Variants in APBB2 observed in about 807,000 individuals in gnomAD.
APBB2 encodes the protein amyloid beta precursor protein binding family B member 2.
APBB2 carries 38 observed loss-of-function variants against 82.5 expected under a neutral mutation model. That is an observed-to-expected ratio of 0.46 (90% CI 0.36 to 0.60). The LOEUF (loss-of-function observed/expected upper bound fraction) is 0.60. Among genes scored for constraint, APBB2 ranks in the 20% least tolerant of loss-of-function variants. The pLI, the probability that APBB2 is intolerant of heterozygous loss-of-function variation, is 0.00. For missense variants in APBB2, 772 were observed against 972.3 expected, an observed-to-expected ratio of 0.79 and a Z score of 2.74; for synonymous variants, 341 against 368.2, an observed-to-expected ratio of 0.93 and a Z score of 0.85.
At chr4:40,859,907 C>T (rs1417646353) in intron 12 of APBB2, among the ~76,000 whole-genome samples, 1 of 152,194 alleles carries the variant, frequency 6.6e-6, no homozygotes, top group Non-Finnish European at 1.5e-5. Context: ...GCACTGCTCA[C>T]CTGATGAATC....
intron 3 of APBB2, among the ~76,000 whole-genome samples, chr4:41,092,211 T>C (rs1391162169): frequency 1.3e-5 from 2 of 152,146 alleles, no homozygotes; most frequent in Admixed American, 1.3e-4. Flanking sequence ...AGGAAAACAA[T>C]AATTAGTTCA....
chr4:40,845,674 G>A (rs1757322619), intron 12 of APBB2, among the ~76,000 whole-genome samples: 1 of 145,740 alleles, frequency 6.9e-6, no homozygotes, highest in Admixed American at 7.1e-5. Flanking sequence ...GCCATCTCCT[G>A]TTCCCTGGCA....
Position 41,014,160 on chromosome 4 carries a change from T to C in APBB2, c.258A>G (p.Ala86=), listed in dbSNP as rs554052693. The C allele has an allele frequency of 2.0e-5, 32 of 1,614,254 alleles. No individual in the cohort carries two copies. In the South Asian group the frequency reaches 3.1e-4, roughly 16 times the overall value. The change falls in exon 6 of 18, where the codon GCA becomes GCG. Residue 86 remains alanine, a synonymous_variant. Transcript: ENST00000508593. ...CAGAGCCATTTCCCAGCAGGGGCTG[T>C]GCAGCTGGATCCGAGAGGCCCATGG... ...QAAMGLSDPA[A]QPLLGNGSAN...
chr4:41,118,043 C>CA (rs1480934459), intron 2 of APBB2: 44 of 135,370 alleles, frequency 3.3e-4, no homozygotes, highest in Non-Finnish European at 6.6e-4. Context: ...ACTGTATCTA[C>CA]AAAACAAAAC....
intron 17 of APBB2, among the ~76,000 whole-genome samples, chr4:40,816,576 G>A (rs912957928): frequency 6.6e-6 from 1 of 152,220 alleles, no homozygotes; most frequent in African/African-American, 2.4e-5. Context: ...AGGATTGGGA[G>A]AGAGTGTGTT....
At position 41,213,254 on chromosome 4, in the gene APBB2, T is replaced by C. The variant is rs371768491; in HGVS notation, c.-417+1151A>G. ...AATTCAAACACCACCGATGGCATCATTTTATGATAATCCTTTGGGTATTTC... is the reference window on the plus strand; with the variant it reads ...AATTCAAACACCACCGATGGCATCACTTTATGATAATCCTTTGGGTATTTC... On this transcript the variant is annotated intron_variant, in intron 1 of 17. Transcript: ENST00000508593. Among the ~76,000 whole-genome samples, 38 of 152,322 alleles carry C rather than the reference T, an allele frequency of 2.5e-4. 1 individual carries two copies. In the East Asian group the frequency reaches 4.0e-3, roughly 16 times the overall value.
At chr4:40,891,174 T>A (rs1174268677) in intron 11 of APBB2, among the ~76,000 whole-genome samples, 4 of 152,186 alleles carry the variant, frequency 2.6e-5, no homozygotes, top group Non-Finnish European at 4.4e-5. Context: ...GGGTCTGACA[T>A]AGAACCTGTG....
intron 4 of APBB2, among the ~76,000 whole-genome samples, chr4:41,046,433 C>T (rs1235068532): frequency 6.6e-6 from 1 of 152,206 alleles, no homozygotes; most frequent in Non-Finnish European, 1.5e-5. Flanking sequence ...CTCAAATATA[C>T]AACCAAGAGA....
intron 16 of APBB2, chr4:40,822,358 A>C: frequency 3.9e-6 from 1 of 255,910 alleles, no homozygotes; most frequent in Non-Finnish European, 7.5e-6. Flanking sequence ...CATACTTCTT[A>C]CATCTAGCCC....
chr4:41,081,588 T>C (rs932730420), intron 3 of APBB2, among the ~76,000 whole-genome samples: 1 of 152,200 alleles, frequency 6.6e-6, no homozygotes, highest in African/African-American at 2.4e-5. Context: ...AATTGATACT[T>C]AGTTATATAA....
At chr4:41,125,621 G>A (rs1324918010) in intron 2 of APBB2, among the ~76,000 whole-genome samples, 1 of 152,154 alleles carries the variant, frequency 6.6e-6, no homozygotes, top group African/African-American at 2.4e-5. Flanking sequence ...AATGTGAAAT[G>A]AAAACTTTTT....
chr4:41,114,844 C>T (rs146920924), intron 2 of APBB2, among the ~76,000 whole-genome samples: 116 of 152,304 alleles, frequency 7.6e-4, no homozygotes, highest in African/African-American at 2.5e-3. Flanking sequence ...AATGGAAAAA[C>T]ATTCCACTCT....
intron 10 of APBB2, among the ~76,000 whole-genome samples, chr4:40,928,417 C>T (rs942551691): frequency 4.7e-5 from 3 of 64,412 alleles, no homozygotes; most frequent in Admixed American, 1.9e-4. Context: ...CACACACACA[C>T]ACACACACAC....
intron 10 of APBB2, among the ~76,000 whole-genome samples, chr4:40,922,133 T>A (rs541624552): frequency 1.3e-5 from 2 of 152,356 alleles, no homozygotes; most frequent in South Asian, 4.1e-4. Context: ...TATTTATGTG[T>A]TAGGGCTTAG....
Position 40,812,816 on chromosome 4 carries a change from A to G in APBB2, c.*3276T>C, listed in dbSNP as rs1416063249. ...AACTTATTTTAATGGAAATGGGTCT[A>G]ATGTCCCTTCATGCAACAAGACAGA... is the stretch of plus-strand genomic sequence containing the variant. On this transcript the variant is annotated 3_prime_UTR_variant, in exon 18 of 18. Transcript: ENST00000508593. 1 of 152,242 alleles carries G rather than the reference A, an allele frequency of 6.6e-6. No individual in the cohort carries two copies. Among genetic ancestry groups the G allele is most frequent in the Non-Finnish European group, 1.5e-5 (1 of 68,046 alleles). The allele number at this position is 152,242 out of a possible 1,614,324, so 9.4% of individuals were successfully genotyped here.
At chr4:40,908,784 C>T (rs1222254510) in intron 10 of APBB2, among the ~76,000 whole-genome samples, 3 of 152,160 alleles carry the variant, frequency 2.0e-5, no homozygotes, top group Admixed American at 6.5e-5. Context: ...ACCTCAGAGC[C>T]GACAATGGGG....
chr4:40,917,414 G>A (rs1780123489), intron 10 of APBB2, among the ~76,000 whole-genome samples: 1 of 152,106 alleles, frequency 6.6e-6, no homozygotes, highest in Non-Finnish European at 1.5e-5. Flanking sequence ...TCTGTCCACA[G>A]TACTCATCCC....
At chr4:40,857,143 C>T (rs916326757) in intron 12 of APBB2, 6 of 985,362 alleles carry the variant, frequency 6.1e-6, no homozygotes, top group Non-Finnish European at 7.2e-6. Context: ...GCGCACTGCC[C>T]CGGGCTCAAG....
intron 6 of APBB2, among the ~76,000 whole-genome samples, chr4:41,004,084 T>TA (rs1805982174): frequency 6.6e-6 from 1 of 151,256 alleles, no homozygotes; most frequent in African/African-American, 2.4e-5. Context: ...TTTTTTTTTT[T>TA]TAATTTTTAT....
Sources: gnomAD v4.1 joint callset for allele counts (sites outside exome capture counted in the v4.1 genomes callset) on GRCh38, gnomAD v4.1.1 for gene constraint, MANE v1.5 for transcripts, NCBI Gene and HGNC (gene_info 2026-07-23, HGNC 2026-07-21) for gene names.